The following PKIB variants were observed in gnomAD, a reference collection of about 807,000 sequenced individuals.
PKIB encodes the protein PKI-beta.
Under a neutral mutation model 4.5 loss-of-function variants are expected in PKIB, and 2 were observed. The ratio of observed to expected loss-of-function variants is 0.44; its 90% CI spans 0.18 to 1.39. PKIB has a LOEUF of 1.39. PKIB is among the 40% of genes most tolerant of loss of function. The pLI is 0.27. For synonymous variants in PKIB, 38 were observed against 36.0 expected (o/e 1.06, Z -0.20); for missense variants, 94 against 92.6 (o/e 1.02, Z -0.06).
rs66823797 is a variant in PKIB, at chr6:122,486,935, GTCTATCTA to G, written c.-248+9005_-248+9012del. On this transcript the variant is annotated intron_variant, in intron 2 of 6. Transcript: ENST00000392491. ...TAACCTTTTGCCACACTTGCTGTCT[GTCTATCTA>G]TCTATCTAACTACTATTTTCTGAAT... is the stretch of plus-strand genomic sequence containing the variant. 3.6e-3 allele frequency among the ~76,000 whole-genome samples: 483 copies of G among 135,160 alleles called. 2 individuals are homozygous for G. Among genetic ancestry groups the G allele is most frequent in the African/African-American group, 0.012 (439 of 36,312 alleles). The allele number at this position is 135,160 out of a possible 152,430, so 88.7% of individuals were successfully genotyped here.
intron 2 of PKIB, chr6:122,481,583 T>A (rs554572566): frequency 1.3e-5 from 2 of 152,224 alleles, no homozygotes; most frequent in South Asian, 4.1e-4. Context: ...GTATTATATT[T>A]TTGAAAATGT....
In PKIB at chr6:122,709,291, G is replaced by A. The variant is rs145416771; in HGVS notation, c.-8-8496G>A. Among the ~76,000 whole-genome samples, 925 of 152,208 alleles carry A rather than the reference G, an allele frequency of 6.1e-3. 7 individuals carry two copies. Among genetic ancestry groups the A allele is most frequent in the African/African-American group, 0.021 (875 of 41,532 alleles). On this transcript the variant is annotated intron_variant, in intron 3 of 4. Coordinates refer to ENST00000368452, the MANE Select transcript of PKIB (RefSeq NM_181795.3). ...AACTTCCCATTGCTCCATATAGACC[G>A]TGTAACAAACAAGAGGACTAAGGGC...
chr6:122,571,963 C>T lies in PKIB; in HGVS notation c.-247-13958C>T, dbSNP rs555437039. On this transcript the variant is annotated intron_variant, in intron 2 of 6. Coordinates refer to the PKIB transcript ENST00000392491. ...AGAATAGCAGAATGGATTAAAAAACCGCTAACCAAATGTCTACTGTCTTCA... is the reference window on the plus strand; with the variant it reads ...AGAATAGCAGAATGGATTAAAAAACTGCTAACCAAATGTCTACTGTCTTCA... 6.4e-4 allele frequency among the ~76,000 whole-genome samples: 98 copies of T among 152,124 alleles called. 1 individual carries two copies. Among genetic ancestry groups the T allele is most frequent in the African/African-American group, 2.2e-3 (92 of 41,488 alleles).
At chr6:122,571,022 A>C (rs1582705197) in intron 2 of PKIB, among the ~76,000 whole-genome samples, 1 of 151,210 alleles carries the variant, frequency 6.6e-6, no homozygotes, top group Non-Finnish European at 1.5e-5. Flanking sequence ...TATGAATGAA[A>C]AAATTTTCAG....
chr6:122,524,335 T>C (rs111735649), intron 2 of PKIB, among the ~76,000 whole-genome samples: 4,126 of 137,498 alleles, frequency 0.03, 200 homozygotes, highest in African/African-American at 0.12. Context: ...TCCTCCTCCT[T>C]CTTCTTCTTC....
chr6:122,567,027 A>C (rs1366585004), intron 2 of PKIB, among the ~76,000 whole-genome samples: 1 of 152,132 alleles, frequency 6.6e-6, no homozygotes, highest in Non-Finnish European at 1.5e-5. Context: ...AATTGTGGCA[A>C]TTTACAATGT....
Position 122,725,115 on chromosome 6 carries a change from A to T in PKIB, c.170-13A>T, listed in dbSNP as rs1216457049. 16 of 1,576,250 alleles carry T rather than the reference A, an allele frequency of 1.0e-5. No homozygotes were observed. The highest frequency in any genetic ancestry group is 2.2e-5 in the East Asian group (1 of 44,480). On this transcript the variant is annotated splice_polypyrimidine_tract_variant and intron_variant, in intron 4 of 4. Coordinates refer to ENST00000368452, the MANE Select transcript of PKIB (RefSeq NM_181795.3). ...CAATATATTCCACATATGAATGGAA[A>T]TTTTTTTTTCAGATGCAAAAGAGAA...
At chr6:122,576,536 C>T (rs1393463004) in intron 2 of PKIB, among the ~76,000 whole-genome samples, 1 of 150,944 alleles carries the variant, frequency 6.6e-6, no homozygotes, top group African/African-American at 2.4e-5. Context: ...GGCGTGGTGG[C>T]AGGCGCCTGT....
At chr6:122,482,166 T>G (rs1775636811) in intron 2 of PKIB, 1 of 152,248 alleles carries the variant, frequency 6.6e-6, no homozygotes, top group Non-Finnish European at 1.5e-5. Context: ...TTCACCGTGT[T>G]AGCCAGGATG....
chr6:122,481,962 T>TC (rs1322995955), intron 2 of PKIB: 1 of 15,296 alleles, frequency 6.5e-5, no homozygotes, highest in East Asian at 2.3e-3. Flanking sequence ...CAAAGGTAAG[T>TC]TTTGTTTTTT....
intron 2 of PKIB, among the ~76,000 whole-genome samples, chr6:122,665,003 C>T: frequency 6.6e-6 from 1 of 152,126 alleles, no homozygotes; most frequent in East Asian, 1.9e-4. Flanking sequence ...GAGTGAATGG[C>T]AGCCATGAAG....
At chr6:122,698,124 T>G (rs2115018444) in intron 3 of PKIB, among the ~76,000 whole-genome samples, 1 of 152,242 alleles carries the variant, frequency 6.6e-6, no homozygotes, top group East Asian at 1.9e-4. Context: ...GTTAAGGAAT[T>G]AAGAGCAACA....
intron 1 of PKIB, among the ~76,000 whole-genome samples, chr6:122,619,950 C>G (rs1201058666): frequency 6.6e-6 from 1 of 152,092 alleles, no homozygotes; most frequent in Non-Finnish European, 1.5e-5. Flanking sequence ...TCCCTTAGCC[C>G]TGAAGCTTGA....
chr6:122,625,508 C>T (rs1775400541), intron 1 of PKIB, among the ~76,000 whole-genome samples: 2 of 152,170 alleles, frequency 1.3e-5, no homozygotes, highest in East Asian at 1.9e-4. Flanking sequence ...CTTGGTGGCT[C>T]ATGCCTTTAA....
At chr6:122,538,628 G>T (rs1777484743) in intron 2 of PKIB, among the ~76,000 whole-genome samples, 1 of 152,060 alleles carries the variant, frequency 6.6e-6, no homozygotes, top group Non-Finnish European at 1.5e-5. Context: ...CTCCGGCTTT[G>T]TTCTTTTGGC....
chr6:122,691,801 C>A (rs188223702), intron 3 of PKIB, among the ~76,000 whole-genome samples: 3 of 152,096 alleles, frequency 2.0e-5, no homozygotes, highest in African/African-American at 7.2e-5. Flanking sequence ...TTACTGTAGT[C>A]GTCTCAGTCT....
chr6:122,566,052 A>G (rs910660607), intron 2 of PKIB, among the ~76,000 whole-genome samples: 7 of 144,066 alleles, frequency 4.9e-5, no homozygotes, highest in African/African-American at 1.8e-4. Context: ...GGAAGAAGCT[A>G]TCTTTTTTTT....
At chr6:122,566,111 A>G (rs1773182562) in intron 2 of PKIB, among the ~76,000 whole-genome samples, 1 of 152,076 alleles carries the variant, frequency 6.6e-6, no homozygotes, top group South Asian at 2.1e-4. Context: ...TCACATGCCC[A>G]ATCCTGTGCT....
chr6:122,704,345 G>C (rs1458747021), intron 3 of PKIB, among the ~76,000 whole-genome samples: 2 of 151,980 alleles, frequency 1.3e-5, no homozygotes, highest in African/African-American at 2.4e-5. Context: ...AAGTATCTGA[G>C]CACTTTGTAG....
Sources: gnomAD v4.1 joint callset for allele counts (sites outside exome capture counted in the v4.1 genomes callset) on GRCh38, gnomAD v4.1.1 for gene constraint, MANE v1.5 for transcripts, NCBI Gene and HGNC (gene_info 2026-07-23, HGNC 2026-07-21) for gene names.